CEP192: variants seen among roughly 807,000 people sequenced by gnomAD.
CEP192 encodes centrosomal protein of 192 kDa.
Under a neutral mutation model 271.8 loss-of-function variants are expected in CEP192, and 151 were observed. The observed-to-expected ratio is 0.56, with a 90% CI of 0.49 to 0.64. CEP192 has a LOEUF of 0.64. Among genes scored for constraint, CEP192 ranks in the 30% least tolerant of loss-of-function variants. CEP192 has a pLI of 0.00. For missense variants in CEP192, 2,910 were observed against 3,020.5 expected, an observed-to-expected ratio of 0.96 and a Z score of 0.86; for synonymous variants, 995 against 1,076.5, an observed-to-expected ratio of 0.92 and a Z score of 1.48.
At position 13,040,852 on chromosome 18, in the gene CEP192, G is replaced by T; in HGVS notation, c.1832G>T (p.Arg611Ile). ...TAGCCATCATTTGGCTATTTTATTA[G>T]ATCACCAGAGAAGAGAGAACCTATT... ...VKRPSFGYFI[R>I]SPEKREPIAL... is the part of the protein sequence containing the mutation. Residue 611 changes from arginine (R) to isoleucine (I), a missense_variant, in exon 14 of 45, where the codon AGA becomes ATA. By Grantham distance (97) the Arg-to-Ile change is moderately conservative. Transcript: ENST00000506447. 6.3e-7 allele frequency: 1 copy of T among 1,589,250 alleles called. No individual in the cohort carries two copies. The highest frequency in any genetic ancestry group is 8.6e-7 in the Non-Finnish European group (1 of 1,167,292).
intron 13 of CEP192, among the ~76,000 whole-genome samples, chr18:13,039,780 G>T (rs1193850175): frequency 6.6e-6 from 1 of 152,178 alleles, no homozygotes; most frequent in African/African-American, 2.4e-5. Context: ...GCAGCCTGCC[G>T]CCATATGTCA....
chr18:13,046,146 T>C (rs56171834), intron 15 of CEP192, among the ~76,000 whole-genome samples: 34,275 of 151,994 alleles, frequency 0.23, 4,211 homozygotes, highest in East Asian at 0.44. Context: ...TCAGGAAGCT[T>C]GCAATCATGG....
intron 44 of CEP192, among the ~76,000 whole-genome samples, chr18:13,123,203 C>G (rs1440879778): frequency 1.3e-5 from 2 of 151,942 alleles, no homozygotes; most frequent in East Asian, 3.8e-4. Context: ...AAGTATTGAC[C>G]ACCAACATGC....
intron 3 of CEP192, among the ~76,000 whole-genome samples, chr18:13,002,500 C>T (rs1020145906): frequency 1.3e-5 from 2 of 151,990 alleles, no homozygotes; most frequent in Non-Finnish European, 2.9e-5. Flanking sequence ...ATTTTTCGCA[C>T]CTAGGATATT....
rs563824737 is a variant in CEP192 at position 13,053,023 on chromosome 18, C to T, written c.3122C>T (p.Thr1041Met). The change falls in exon 18 of 45, where the codon ACG (threonine) becomes ATG (methionine). Residue 1041 changes from threonine (T) to methionine (M), a missense_variant. Thr to Met is a moderately conservative substitution (Grantham distance 81). Transcript: ENST00000506447. ...TCGCCTGCTGGGGTGAGCAGGCTGA[C>T]GTATGTGTCTGAACCAGAGAGCTCC... ...VCSPAGVSRL[T>M]YVSEPESSYP... 1.6e-5 allele frequency: 26 copies of T among 1,613,868 alleles called. No individual in the cohort carries two copies. The highest frequency in any genetic ancestry group is 8.3e-5 in the Admixed American group (5 of 59,998).
intron 36 of CEP192, among the ~76,000 whole-genome samples, chr18:13,099,182 G>A (rs1242519297): frequency 6.7e-6 from 1 of 149,920 alleles, no homozygotes; most frequent in African/African-American, 2.5e-5. Context: ...GAGAGGGAGG[G>A]GGAGGGGGAG....
rs529632639 is a variant in CEP192, at chr18:13,056,406, T to C, written c.3816T>C (p.Thr1272=). 1 of 1,614,260 alleles carries C rather than the reference T, an allele frequency of 6.2e-7. No individual in the cohort carries two copies. Among genetic ancestry groups the C allele is most frequent in the East Asian group, 2.2e-5 (1 of 44,886 alleles). ...AQRYLGTLPS[T]GSTTLPQCHA... ...GGTATTTGGGAACACTCCCTTCAAC[T>C]GGAAGCACCACCTTGCCTCAGTGCC... Residue 1272 remains threonine (T), a synonymous_variant, in exon 19 of 45, where the codon ACT becomes ACC. Transcript: ENST00000506447.
intron 3 of CEP192, among the ~76,000 whole-genome samples, chr18:13,005,707 C>T (rs978916498): frequency 1.3e-5 from 2 of 152,206 alleles, no homozygotes; most frequent in Admixed American, 6.5e-5. Context: ...TCCTTGGACA[C>T]TATACTGGAG....
intron 15 of CEP192, among the ~76,000 whole-genome samples, chr18:13,048,189 A>G (rs1237975792): frequency 1.3e-5 from 2 of 152,204 alleles, no homozygotes; most frequent in African/African-American, 4.8e-5. Context: ...AATTCCAGAA[A>G]TAGTTCATAA....
chr18:13,070,935 T>A (rs2037978403), intron 27 of CEP192, 104 bp from the exon 28 acceptor site: 1 of 876,414 alleles, frequency 1.1e-6, no homozygotes, highest in Non-Finnish European at 1.8e-6. Context: ...TATCATTGTA[T>A]CCCCAGCACC....
chr18:13,116,437 G>T lies in CEP192; in HGVS notation c.7350G>T (p.Pro2450=), dbSNP rs530959036. 3.1e-6 allele frequency: 5 copies of T among 1,612,178 alleles called. No homozygotes were observed. Among genetic ancestry groups the T allele is most frequent in the African/African-American group, 1.3e-5 (1 of 74,848 alleles). ...CAGAGGATGTGTACAGGTTCCGGCC[G>T]ACTAGTGTGGGGGAATCACGGACAC... is the stretch of plus-strand genomic sequence containing the variant. ...YAPEDVYRFR[P]TSVGESRTLK... Residue 2450 remains proline, a synonymous_variant, in exon 43 of 45, where the codon CCG becomes CCT. Coordinates refer to ENST00000506447, the MANE Select transcript of CEP192 (RefSeq NM_032142.4).
intron 7 of CEP192, among the ~76,000 whole-genome samples, chr18:13,018,148 T>A (rs896009357): frequency 2.1e-4 from 32 of 152,212 alleles, no homozygotes; most frequent in African/African-American, 7.5e-4. Context: ...TCTCCCACAA[T>A]TGGTGATACT....
intron 13 of CEP192, among the ~76,000 whole-genome samples, chr18:13,039,727 C>T (rs1402556014): frequency 6.6e-6 from 1 of 152,126 alleles, no homozygotes; most frequent in African/African-American, 2.4e-5. Context: ...TGCTTAGAGG[C>T]ACAGGGCAAC....
At chr18:13,022,432 G>C (rs7229084) in intron 9 of CEP192, among the ~76,000 whole-genome samples, 4,554 of 152,044 alleles carry the variant, frequency 0.03, 91 homozygotes, top group Middle Eastern at 0.095. Context: ...CCAGGCTGGA[G>C]TGCAGTAACA....
chr18:13,067,766 G>A lies in CEP192; in HGVS notation c.4489-65G>A. The stretch of plus-strand genomic sequence containing the variant: ...TTGTGGCTAGAAATGGCAGTGATAT[G>A]AACATACATGTTGTGCTATTAATAT... On this transcript the variant is annotated intron_variant, in intron 21 of 44. Coordinates refer to ENST00000506447, the MANE Select transcript of CEP192 (RefSeq NM_032142.4). 2.2e-6 allele frequency: 3 copies of A among 1,383,894 alleles called. No homozygotes were observed. The Admixed American group carries it at 5.5e-5, about 26-fold the overall frequency. 85.7% of individuals were successfully genotyped at this position (1,383,894 alleles called of 1,614,324 possible).
intron 23 of CEP192, 49 bp downstream of exon 23, chr18:13,068,286 CTCTTT>C: frequency 6.2e-7 from 1 of 1,604,522 alleles, no homozygotes; most frequent in Non-Finnish European, 8.5e-7. Flanking sequence ...GCTTCTAAAC[CTCTTT>C]TCTTTCATTA....
intron 34 of CEP192, among the ~76,000 whole-genome samples, chr18:13,094,517 C>T (rs143276854): frequency 9.2e-5 from 14 of 152,276 alleles, no homozygotes; most frequent in African/African-American, 3.1e-4. Flanking sequence ...ATAGGTCCCC[C>T]GTCCTTCTTT....
chr18:13,002,380 CTG>C (rs1419813330), intron 3 of CEP192, among the ~76,000 whole-genome samples: 2 of 151,998 alleles, frequency 1.3e-5, no homozygotes, highest in Admixed American at 6.5e-5. Context: ...TAATATGAAT[CTG>C]TGTCATAATG....
intron 3 of CEP192, among the ~76,000 whole-genome samples, chr18:13,004,542 A>G (rs959108712): frequency 1.3e-5 from 2 of 152,122 alleles, no homozygotes; most frequent in Admixed American, 1.3e-4. Flanking sequence ...TGTAGTGGTA[A>G]GAATCTGTGG....
Sources: allele counts gnomAD v4.1 joint callset (sites outside exome capture counted in the v4.1 genomes callset), GRCh38; gene constraint gnomAD v4.1.1; transcripts MANE v1.5; gene names NCBI Gene and HGNC (gene_info 2026-07-23, HGNC 2026-07-21).